Variants in RNGTT observed in about 807,000 individuals in gnomAD.
RNGTT encodes mRNA-capping enzyme.
In RNGTT, 33 loss-of-function variants were observed where a neutral mutation model predicts 79.3. The ratio of observed to expected loss-of-function variants is 0.42; its 90% CI spans 0.32 to 0.56. The LOEUF (loss-of-function observed/expected upper bound fraction) is 0.56, where lower values mean the gene tolerates loss of function less well. RNGTT is among the 20% of genes least tolerant of loss of function. RNGTT has a pLI of 0.17. For missense variants in RNGTT, 497 were observed against 739.1 expected (o/e 0.67, Z 3.80); for synonymous variants, 222 against 235.9 (o/e 0.94, Z 0.54).
intron 12 of RNGTT, among the ~76,000 whole-genome samples, chr6:88,797,171 G>A (rs951371778): frequency 1.3e-5 from 2 of 152,042 alleles, no homozygotes; most frequent in African/African-American, 2.4e-5. Flanking sequence ...GGCAAACAGG[G>A]AGGCTTGATT....
At chr6:88,809,887 A>C (rs1356005774) in intron 11 of RNGTT, among the ~76,000 whole-genome samples, 1 of 152,080 alleles carries the variant, frequency 6.6e-6, no homozygotes, top group Non-Finnish European at 1.5e-5. Context: ...TGTCTCTACA[A>C]AAAATTTAAA....
chr6:88,825,203 A>G (rs1780618927), intron 11 of RNGTT, among the ~76,000 whole-genome samples: 1 of 152,250 alleles, frequency 6.6e-6, no homozygotes, highest in Admixed American at 6.5e-5. Context: ...CTAAGAATAT[A>G]AATTAATAAT....
chr6:88,899,067 G>A (rs186677204), intron 6 of RNGTT, among the ~76,000 whole-genome samples: 1 of 150,648 alleles, frequency 6.6e-6, no homozygotes, highest in East Asian at 1.9e-4. Context: ...ACTTATATGA[G>A]TAAAATATTT....
At position 88,830,608 on chromosome 6, in the gene RNGTT, CA is replaced by C. The variant is rs947332503; in HGVS notation, c.1269+13748del. 5.1e-3 allele frequency among the ~76,000 whole-genome samples: 718 copies of C among 139,890 alleles called. 4 individuals carry two copies. Among genetic ancestry groups the C allele is most frequent in the African/African-American group, 0.017 (668 of 38,336 alleles). The allele number at this position is 139,890 out of a possible 152,430, so 91.8% of individuals were successfully genotyped here. A position where few individuals can be genotyped will look rare whatever the true frequency, so the allele number is the denominator to read the frequency against. On this transcript the variant is annotated intron_variant, in intron 11 of 15. Transcript: ENST00000369485. The stretch of plus-strand genomic sequence containing the variant: ...GAACTGAAGGAGAGAGAGAGAGACA[CA>C]AAAAAAAAACCCTTCAAAAAAAGTC...
intron 14 of RNGTT, among the ~76,000 whole-genome samples, chr6:88,625,511 T>C (rs1231514572): frequency 6.6e-6 from 1 of 152,020 alleles, no homozygotes; most frequent in Non-Finnish European, 1.5e-5. Context: ...TCCATTTACA[T>C]GACATACTGG....
chr6:88,801,306 G>T (rs911276256), intron 12 of RNGTT, among the ~76,000 whole-genome samples: 1 of 152,184 alleles, frequency 6.6e-6, no homozygotes, highest in Non-Finnish European at 1.5e-5. Flanking sequence ...TCTTTGAAAT[G>T]TAACGACCAA....
At chr6:88,687,032 C>A (rs1775305280) in intron 13 of RNGTT, among the ~76,000 whole-genome samples, 1 of 151,786 alleles carries the variant, frequency 6.6e-6, no homozygotes, top group Non-Finnish European at 1.5e-5. Context: ...AGATAACTGA[C>A]AAACTGGGAG....
At chr6:88,895,555 T>C (rs1431274816) in intron 6 of RNGTT, among the ~76,000 whole-genome samples, 1 of 152,148 alleles carries the variant, frequency 6.6e-6, no homozygotes, top group Non-Finnish European at 1.5e-5. Flanking sequence ...ATTACTTGAA[T>C]ACATAGTTAT....
At chr6:88,862,390 T>C (rs549311171) in intron 8 of RNGTT, among the ~76,000 whole-genome samples, 3 of 152,258 alleles carry the variant, frequency 2.0e-5, no homozygotes, top group East Asian at 3.9e-4. Flanking sequence ...TTTGGGGAGC[T>C]TCCAGACAGC....
intron 13 of RNGTT, among the ~76,000 whole-genome samples, chr6:88,767,396 AC>A (rs1778497328): frequency 6.6e-6 from 1 of 152,164 alleles, no homozygotes; most frequent in Non-Finnish European, 1.5e-5. Flanking sequence ...ATGTTTAATT[AC>A]AATAGGAAAC....
intron 2 of RNGTT, among the ~76,000 whole-genome samples, chr6:88,933,254 T>C (rs1454789321): frequency 6.6e-6 from 1 of 152,248 alleles, no homozygotes; most frequent in African/African-American, 2.4e-5. Context: ...ATCATTTCTA[T>C]GTGTTAAGAG....
chr6:88,906,308 TA>T, intron 5 of RNGTT, 56 bp downstream of exon 5: 1 of 1,161,864 alleles, frequency 8.6e-7, no homozygotes, highest in South Asian at 1.4e-5. Context: ...GCAACTAAAA[TA>T]TCAATAAAAT....
At chr6:88,833,716 T>C (rs1360356901) in intron 11 of RNGTT, among the ~76,000 whole-genome samples, 14 of 152,120 alleles carry the variant, frequency 9.2e-5, no homozygotes, top group Admixed American at 2.6e-4. Flanking sequence ...GCCTCTTAAT[T>C]ATTTTGGAGG....
intron 11 of RNGTT, among the ~76,000 whole-genome samples, chr6:88,825,902 C>T (rs1229092525): frequency 6.6e-6 from 1 of 152,226 alleles, no homozygotes; most frequent in Non-Finnish European, 1.5e-5. Context: ...TAAGGCAAGA[C>T]TGATGGCACA....
intron 14 of RNGTT, among the ~76,000 whole-genome samples, chr6:88,648,280 C>A (rs1423569030): frequency 6.6e-6 from 1 of 152,122 alleles, no homozygotes; most frequent in African/African-American, 2.4e-5. Flanking sequence ...AAGAAGCCAT[C>A]TGAATTATTG....
At chr6:88,804,361 T>C (rs1779889624) in intron 11 of RNGTT, among the ~76,000 whole-genome samples, 1 of 152,216 alleles carries the variant, frequency 6.6e-6, no homozygotes, top group Non-Finnish European at 1.5e-5. Context: ...TTTATAGACT[T>C]GGCCAGACAC....
intron 12 of RNGTT, among the ~76,000 whole-genome samples, chr6:88,795,666 C>T (rs945575342): frequency 1.3e-5 from 2 of 151,596 alleles, no homozygotes; most frequent in African/African-American, 2.4e-5. Flanking sequence ...ACATGAATCC[C>T]AGAACTTAAA....
At chr6:88,933,646 C>T (rs1027923566) in intron 2 of RNGTT, among the ~76,000 whole-genome samples, 2 of 152,102 alleles carry the variant, frequency 1.3e-5, no homozygotes, top group Non-Finnish European at 2.9e-5. Flanking sequence ...TTTTTTGGCT[C>T]CCACAGGAGT....
At chr6:88,855,109 G>T (rs373996889) in intron 8 of RNGTT, among the ~76,000 whole-genome samples, 1 of 152,124 alleles carries the variant, frequency 6.6e-6, no homozygotes, top group African/African-American at 2.4e-5. Flanking sequence ...AGGTACCAAC[G>T]AAAATGAAAG....
Sources: allele counts gnomAD v4.1 joint callset (sites outside exome capture counted in the v4.1 genomes callset), GRCh38; gene constraint gnomAD v4.1.1; transcripts MANE v1.5; gene names NCBI Gene and HGNC (gene_info 2026-07-23, HGNC 2026-07-21).